The following PTPN13 variants were observed in gnomAD, a reference collection of about 807,000 sequenced individuals.
PTPN13 encodes tyrosine-protein phosphatase non-receptor type 13.
PTPN13 carries 191 observed loss-of-function variants against 284.0 expected under a neutral mutation model. That is an observed-to-expected ratio of 0.67 (90% confidence interval 0.60 to 0.76). PTPN13 has a LOEUF of 0.76. PTPN13 is among the 30% of genes least tolerant of loss of function. PTPN13 has a pLI of 0.00. For synonymous variants in PTPN13, 986 were observed against 1,022.3 expected, an observed-to-expected ratio of 0.96 and a Z score of 0.68; for missense variants, 2,797 against 2,939.9, an observed-to-expected ratio of 0.95 and a Z score of 1.12.
intron 1 of PTPN13, among the ~76,000 whole-genome samples, chr4:86,623,576 C>T (rs77889222): frequency 0.046 from 7,051 of 152,200 alleles, 217 homozygotes; most frequent in African/African-American, 0.06. Context: ...TCACCTAACA[C>T]GATGCAACTA....
At chr4:86,787,496 G>C (rs1224751033) in intron 40 of PTPN13, among the ~76,000 whole-genome samples, 1 of 152,036 alleles carries the variant, frequency 6.6e-6, no homozygotes, top group East Asian at 1.9e-4. Flanking sequence ...GGAGGCTGAG[G>C]CAGGAGAATC....
intron 1 of PTPN13, among the ~76,000 whole-genome samples, chr4:86,597,238 A>T (rs181613733): frequency 6.6e-6 from 1 of 151,726 alleles, no homozygotes. Context: ...CTTAGGAACT[A>T]AATGTTTTAA....
intron 1 of PTPN13, among the ~76,000 whole-genome samples, chr4:86,612,133 T>A (rs949511544): frequency 2.0e-5 from 3 of 152,150 alleles, no homozygotes; most frequent in Non-Finnish European, 1.5e-5. Flanking sequence ...ACTTTGAAGT[T>A]TTCAAATAAT....
intron 43 of PTPN13, 46 bp from the exon 44 acceptor site, chr4:86,805,233 A>G: frequency 7.7e-7 from 1 of 1,297,254 alleles, no homozygotes; most frequent in South Asian, 1.3e-5. Flanking sequence ...GTTATTACTG[A>G]ATTACTGCTT....
intron 12 of PTPN13, among the ~76,000 whole-genome samples, chr4:86,733,791 G>A (rs1378962947): frequency 6.6e-6 from 1 of 152,102 alleles, no homozygotes; most frequent in Admixed American, 6.6e-5. Context: ...GTAAATAATA[G>A]TTAACTAATG....
At chr4:86,651,314 G>A (rs1306648293) in intron 2 of PTPN13, among the ~76,000 whole-genome samples, 4 of 152,128 alleles carry the variant, frequency 2.6e-5, no homozygotes, top group Non-Finnish European at 5.9e-5. Context: ...AATTCAGATT[G>A]CTAGTATTTT....
chr4:86,811,572 G>T (rs187234432), intron 47 of PTPN13, among the ~76,000 whole-genome samples: 19 of 152,296 alleles, frequency 1.2e-4, no homozygotes, highest in Admixed American at 6.5e-4. Context: ...TGTAAGGAGT[G>T]TGAATACATG....
At chr4:86,734,217 C>T (rs1301047254) in intron 12 of PTPN13, 86 bp from the exon 13 acceptor site, 9 of 1,071,812 alleles carry the variant, frequency 8.4e-6, no homozygotes, top group Non-Finnish European at 1.2e-5. Flanking sequence ...CTCTTTTATG[C>T]AAGTCTGACC....
At chr4:86,739,622 G>T (rs1476367863) in intron 15 of PTPN13, among the ~76,000 whole-genome samples, 1 of 152,082 alleles carries the variant, frequency 6.6e-6, no homozygotes, top group Non-Finnish European at 1.5e-5. Flanking sequence ...TTCCACTTCT[G>T]GCCCCTCCCA....
Position 86,799,209 on chromosome 4 carries a change from G to T in PTPN13, c.6505+5G>T. On this transcript the variant is annotated splice_donor_5th_base_variant and intron_variant, in intron 42 of 47. Transcript: ENST00000411767. ...ACCATGAAGATTCTGATAAAGGCAA[G>T]AATTTTAATGACAGTTTTTTCCTCA... 1 of 1,482,966 alleles carries T rather than the reference G, an allele frequency of 6.7e-7. No homozygotes were observed. Among genetic ancestry groups the T allele is most frequent in the South Asian group, 1.3e-5 (1 of 76,138 alleles). The allele number at this position is 1,482,966 out of a possible 1,614,324, so 91.9% of individuals were successfully genotyped here. A position where few individuals can be genotyped will look rare whatever the true frequency, so the allele number is the denominator to read the frequency against.
At chr4:86,731,076 G>A (rs1734892519) in intron 10 of PTPN13, among the ~76,000 whole-genome samples, 2 of 152,036 alleles carry the variant, frequency 1.3e-5, no homozygotes. Context: ...CAATTAAATT[G>A]AATAGAATTC....
chr4:86,785,808 G>T, intron 39 of PTPN13, 40 bp from the exon 40 acceptor site: 2 of 1,322,648 alleles, frequency 1.5e-6, no homozygotes, highest in Non-Finnish European at 2.1e-6. Flanking sequence ...TTCCTCAATA[G>T]TTTTATAAAT....
intron 40 of PTPN13, among the ~76,000 whole-genome samples, chr4:86,794,637 A>G (rs1235746192): frequency 6.6e-6 from 1 of 152,210 alleles, no homozygotes; most frequent in Non-Finnish European, 1.5e-5. Context: ...ACACTACCTG[A>G]CTTCAAACTA....
At chr4:86,765,055 C>A (rs947957143) in intron 25 of PTPN13, among the ~76,000 whole-genome samples, 5 of 152,082 alleles carry the variant, frequency 3.3e-5, no homozygotes, top group African/African-American at 1.2e-4. Flanking sequence ...ATATCTCTAA[C>A]CTACATTATT....
chr4:86,785,714 C>A, intron 39 of PTPN13, 134 bp from the exon 40 acceptor site: 2 of 498,510 alleles, frequency 4.0e-6, no homozygotes, highest in South Asian at 5.1e-5. Flanking sequence ...TTCTTCCTAA[C>A]TTTTCTAGTT....
intron 1 of PTPN13, among the ~76,000 whole-genome samples, chr4:86,622,895 A>T (rs1046416471): frequency 9.2e-5 from 14 of 152,212 alleles, no homozygotes; most frequent in African/African-American, 2.7e-4. Context: ...AACATAACAT[A>T]CAAAATCAAA....
chr4:86,691,295 G>A (rs191376638), intron 5 of PTPN13, among the ~76,000 whole-genome samples: 28 of 152,016 alleles, frequency 1.8e-4, no homozygotes, highest in African/African-American at 6.0e-4. Flanking sequence ...AGATAATCTC[G>A]GCAGAGGGAA....
Position 86,734,793 on chromosome 4 carries a change from A to G in PTPN13, c.2069A>G (p.Glu690Gly), listed in dbSNP as rs748681283. ...CAGCTTCGAAAAGATATTTTGGAGG[A>G]AAGGATGCACTGTGATGATGAGACT... ...YLQLRKDILE[E>G]RMHCDDETSL... is the part of the protein sequence containing the mutation. The change falls in exon 14 of 48, where the codon GAA becomes GGA. Residue 690 changes from glutamate to glycine, a missense_variant. Transcript: ENST00000411767. 9 of 1,613,146 alleles carry G rather than the reference A, an allele frequency of 5.6e-6. No homozygotes were observed. In the African/African-American group the frequency reaches 1.2e-4, roughly 22 times the overall value.
At chr4:86,652,168 A>G (rs1471611768) in intron 2 of PTPN13, among the ~76,000 whole-genome samples, 3 of 151,886 alleles carry the variant, frequency 2.0e-5, no homozygotes, top group Admixed American at 2.0e-4. Flanking sequence ...CAATTTTAAT[A>G]ATTTTTGCTC....
Sources: allele counts gnomAD v4.1 joint callset (sites outside exome capture counted in the v4.1 genomes callset), GRCh38; gene constraint gnomAD v4.1.1; transcripts MANE v1.5; gene names NCBI Gene and HGNC (gene_info 2026-07-23, HGNC 2026-07-21).